ZFAND6: variants seen among roughly 807,000 people sequenced by gnomAD.
The protein encoded by ZFAND6 is zinc finger AN1-type containing 6.
In ZFAND6, 12 loss-of-function variants were observed where a neutral mutation model predicts 24.5. The ratio of observed to expected loss-of-function variants is 0.49; its 90% CI spans 0.31 to 0.79. The LOEUF is 0.79. Ranked by LOEUF, ZFAND6 falls within the 30% of genes least tolerant of loss-of-function variation. The pLI is 0.04. For synonymous variants in ZFAND6, 92 were observed against 81.5 expected (o/e 1.13, Z -0.69); for missense variants, 207 against 245.9 (o/e 0.84, Z 1.06).
intron 2 of ZFAND6, among the ~76,000 whole-genome samples, chr15:80,109,888 A>T (rs2039521122): frequency 6.6e-6 from 1 of 152,256 alleles, no homozygotes; most frequent in South Asian, 2.1e-4. Flanking sequence ...TTGGGAATAT[A>T]GAAGGGCCTC....
intron 1 of ZFAND6, among the ~76,000 whole-genome samples, chr15:80,067,144 C>T (rs2036695018): frequency 6.6e-6 from 1 of 152,140 alleles, no homozygotes; most frequent in Admixed American, 6.5e-5. Flanking sequence ...TGAGGGAGGA[C>T]AGTGGGACAA....
chr15:80,118,074 A>G (rs555354003), intron 2 of ZFAND6, among the ~76,000 whole-genome samples: 6 of 152,078 alleles, frequency 3.9e-5, no homozygotes, highest in African/African-American at 1.4e-4. Context: ...ATATGTATAC[A>G]TACTATATAT....
chr15:80,103,729 T>A (rs1458095375), intron 2 of ZFAND6, among the ~76,000 whole-genome samples: 1 of 152,234 alleles, frequency 6.6e-6, no homozygotes, highest in Non-Finnish European at 1.5e-5. Flanking sequence ...CTCAGTCTGC[T>A]TTCTCCCTAC....
At chr15:80,069,956 C>T (rs535237197) in intron 1 of ZFAND6, among the ~76,000 whole-genome samples, 1 of 152,064 alleles carries the variant, frequency 6.6e-6, no homozygotes, top group African/African-American at 2.4e-5. Context: ...CAGAGTTTAT[C>T]CTTAGTGATC....
intron 1 of ZFAND6, among the ~76,000 whole-genome samples, chr15:80,090,254 C>G (rs1268409437): frequency 6.6e-6 from 1 of 152,158 alleles, no homozygotes; most frequent in African/African-American, 2.4e-5. Context: ...AGAAATGCCT[C>G]TTGAATTGAC....
intron 2 of ZFAND6, among the ~76,000 whole-genome samples, chr15:80,099,393 G>A (rs1426888258): frequency 6.6e-6 from 1 of 152,120 alleles, no homozygotes; most frequent in East Asian, 1.9e-4. Flanking sequence ...ATTGTATTGA[G>A]CAAAATGATG....
chr15:80,075,877 T>C (rs2037245559), intron 1 of ZFAND6, among the ~76,000 whole-genome samples: 2 of 152,186 alleles, frequency 1.3e-5, no homozygotes, highest in Non-Finnish European at 2.9e-5. Context: ...TCCCTGTTTA[T>C]ACCTTTTTTC....
intron 1 of ZFAND6, among the ~76,000 whole-genome samples, chr15:80,073,945 A>T (rs2037122620): frequency 6.8e-6 from 1 of 146,130 alleles, no homozygotes; most frequent in Admixed American, 7.9e-5. Flanking sequence ...TTTCCTTTTT[A>T]AAAAAGATTT....
At chr15:80,059,956 C>A (rs1270409388) in intron 1 of ZFAND6, 147 bp downstream of exon 1, 1 of 151,036 alleles carries the variant, frequency 6.6e-6, no homozygotes, top group African/African-American at 2.4e-5. Flanking sequence ...GGCCGGCCGG[C>A]GCAGCAGGTG....
intron 1 of ZFAND6, among the ~76,000 whole-genome samples, chr15:80,068,096 G>C (rs1304531624): frequency 6.6e-6 from 1 of 150,552 alleles, no homozygotes; most frequent in Non-Finnish European, 1.5e-5. Flanking sequence ...CAAGTAGCTG[G>C]GACTACAGGC....
At chr15:80,099,861 C>T (rs923938029) in intron 2 of ZFAND6, among the ~76,000 whole-genome samples, 1 of 152,170 alleles carries the variant, frequency 6.6e-6, no homozygotes, top group African/African-American at 2.4e-5. Flanking sequence ...CAGTGATCTG[C>T]CTGCCTTGGC....
intron 5 of ZFAND6, among the ~76,000 whole-genome samples, chr15:80,127,134 C>G (rs2040400888): frequency 6.6e-6 from 1 of 151,668 alleles, no homozygotes; most frequent in Admixed American, 6.6e-5. Flanking sequence ...GAAAACCAGC[C>G]TACAGAATGA....
chr15:80,115,894 T>C (rs7166132), intron 2 of ZFAND6, among the ~76,000 whole-genome samples: 13,200 of 152,184 alleles, frequency 0.087, 654 homozygotes, highest in East Asian at 0.18. Context: ...ACTTTTTACT[T>C]GAGTTTTTAT....
At chr15:80,110,569 G>A (rs2039556895) in intron 2 of ZFAND6, among the ~76,000 whole-genome samples, 1 of 151,688 alleles carries the variant, frequency 6.6e-6, no homozygotes, top group South Asian at 2.1e-4. Context: ...GCCAAGAATA[G>A]CCAACACAAT....
At chr15:80,085,936 C>G (rs1030228696) in intron 1 of ZFAND6, among the ~76,000 whole-genome samples, 3 of 152,078 alleles carry the variant, frequency 2.0e-5, no homozygotes, top group African/African-American at 7.2e-5. Context: ...CTCTTCGTCT[C>G]CAGACCTATA....
intron 2 of ZFAND6, among the ~76,000 whole-genome samples, chr15:80,112,344 T>C (rs2141986385): frequency 6.6e-6 from 1 of 152,340 alleles, no homozygotes. Context: ...GTGACTAGCA[T>C]TCATCCCAAG....
intron 1 of ZFAND6, among the ~76,000 whole-genome samples, chr15:80,087,858 T>G (rs1454205626): frequency 6.6e-6 from 1 of 152,194 alleles, no homozygotes; most frequent in African/African-American, 2.4e-5. Context: ...GGGTGTATTA[T>G]GCATGCATAT....
intron 2 of ZFAND6, among the ~76,000 whole-genome samples, chr15:80,118,496 A>C (rs1046141666): frequency 6.6e-6 from 1 of 151,978 alleles, no homozygotes; most frequent in Non-Finnish European, 1.5e-5. Context: ...AAGGGGAAAA[A>C]CCCCAAAATA....
At chr15:80,094,662 T>C (rs1210309205) in intron 1 of ZFAND6, among the ~76,000 whole-genome samples, 1 of 152,218 alleles carries the variant, frequency 6.6e-6, no homozygotes, top group Non-Finnish European at 1.5e-5. Context: ...AATATTTCAA[T>C]GTATAGTTTT....
Sources: gnomAD v4.1 joint callset for allele counts (sites outside exome capture counted in the v4.1 genomes callset) on GRCh38, gnomAD v4.1.1 for gene constraint, MANE v1.5 for transcripts, NCBI Gene and HGNC (gene_info 2026-07-23, HGNC 2026-07-21) for gene names.